The following CCDC141 variants were observed in gnomAD, a reference collection of about 807,000 sequenced individuals.
The protein encoded by CCDC141 is coiled-coil domain containing 141.
Under a neutral mutation model 181.0 loss-of-function variants are expected in CCDC141, and 168 were observed. The observed-to-expected ratio is 0.93, with a 90% CI of 0.82 to 1.05. CCDC141 has a LOEUF of 1.05. Ranked by LOEUF, CCDC141 falls within the 50% of genes least tolerant of loss-of-function variation. CCDC141 has a pLI of 0.00. For synonymous variants in CCDC141, 666 were observed against 642.3 expected (o/e 1.04, Z -0.56); for missense variants, 1,902 against 1,788.5 (o/e 1.06, Z -1.14).
At chr2:179,005,014 G>A (rs1438904968) in intron 2 of CCDC141, among the ~76,000 whole-genome samples, 1 of 152,184 alleles carries the variant, frequency 6.6e-6, no homozygotes, top group African/African-American at 2.4e-5. Context: ...TTACTGGCAT[G>A]AGCCACCGCC....
At chr2:179,047,794 C>G (rs2043548079) in intron 1 of CCDC141, among the ~76,000 whole-genome samples, 1 of 152,136 alleles carries the variant, frequency 6.6e-6, no homozygotes, top group Non-Finnish European at 1.5e-5. Flanking sequence ...TAGTGAAATT[C>G]CACTTGGGCA....
At chr2:178,818,910 T>G in the CCDC141 span, among the ~76,000 whole-genome samples, 1 of 152,194 alleles carries the variant, frequency 6.6e-6, no homozygotes, top group Admixed American at 6.5e-5. Context: ...GTAAAAGCAT[T>G]TGTAAAGGCG....
intron 6 of CCDC141, among the ~76,000 whole-genome samples, chr2:178,933,538 C>A (rs4894069): frequency 3.3e-5 from 5 of 151,916 alleles, no homozygotes; most frequent in South Asian, 2.1e-4. Flanking sequence ...TCCTTTAAGC[C>A]TTAAAGATGG....
rs188665813 is a variant in CCDC141 at position 179,029,596 on chromosome 2, G to A, written c.225+17688C>T. Among the ~76,000 whole-genome samples, 5 of 152,260 alleles carry A rather than the reference G, an allele frequency of 3.3e-5. No individual in the cohort carries two copies. The East Asian group carries it at 9.6e-4, about 29-fold the overall frequency. On this transcript the variant is annotated intron_variant, in intron 2 of 23. Transcript: ENST00000443758. ...GTACCAACTCTGAGCTGGATACACAGAGGGTGTCCCATAGTTACATATTGG... is the reference window on the plus strand; with the variant it reads ...GTACCAACTCTGAGCTGGATACACAAAGGGTGTCCCATAGTTACATATTGG...
At chr2:178,989,642 AAAAC>A (rs1180133939) in intron 2 of CCDC141, among the ~76,000 whole-genome samples, 5 of 149,362 alleles carry the variant, frequency 3.3e-5, no homozygotes, top group African/African-American at 1.2e-4. Context: ...ATAAATAAAT[AAAAC>A]AATAGAAAGG....
chr2:178,875,792 G>A (rs1182286502), intron 12 of CCDC141: 1 of 152,016 alleles, frequency 6.6e-6, no homozygotes. Context: ...GTAATAAAAA[G>A]GTAGACAAAA....
At chr2:178,863,493 AATG>A (rs1433323795) in intron 17 of CCDC141, among the ~76,000 whole-genome samples, 1 of 152,250 alleles carries the variant, frequency 6.6e-6, no homozygotes, top group Admixed American at 6.5e-5. Context: ...AAAGACTAAT[AATG>A]ATAACAACGA....
chr2:178,928,707 A>G (rs1376119283), intron 6 of CCDC141, among the ~76,000 whole-genome samples: 1 of 152,210 alleles, frequency 6.6e-6, no homozygotes, highest in Non-Finnish European at 1.5e-5. Context: ...ATAGAGCACA[A>G]TGTTCTTTAT....
intron 11 of CCDC141, among the ~76,000 whole-genome samples, chr2:178,878,686 T>C (rs1418111887): frequency 2.0e-5 from 3 of 152,092 alleles, no homozygotes; most frequent in Non-Finnish European, 4.4e-5. Context: ...AAAAATCTAT[T>C]TGGATTGTTG....
At chr2:178,890,710 C>A (rs1479450099) in intron 8 of CCDC141, among the ~76,000 whole-genome samples, 2 of 152,172 alleles carry the variant, frequency 1.3e-5, no homozygotes, top group East Asian at 3.8e-4. Flanking sequence ...TAATTCAACA[C>A]TGACACTGAG....
intron 13 of CCDC141, 55 bp downstream of exon 13, chr2:178,872,078 G>C: frequency 6.4e-7 from 1 of 1,560,906 alleles, no homozygotes; most frequent in Non-Finnish European, 8.7e-7. Context: ...GTTCGCTCAT[G>C]TTAGCCTGTG....
Position 178,832,438 on chromosome 2 carries a change from A to C in CCDC141, c.*1735T>G, listed in dbSNP as rs1188168128. 2.0e-5 allele frequency: 3 copies of C among 146,630 alleles called. No individual in the cohort carries two copies. Among genetic ancestry groups the C allele is most frequent in the African/African-American group, 7.5e-5 (3 of 40,214 alleles). 9.1% of individuals were successfully genotyped at this position (146,630 alleles called of 1,614,324 possible). ...CAGTGAGCCAAGATGGCACCACTGC[A>C]CTGGGCAAGAGAGCAAGACTCTTTC... On this transcript the variant is annotated 3_prime_UTR_variant, in exon 24 of 24. Coordinates refer to ENST00000443758, the MANE Select transcript of CCDC141 (RefSeq NM_173648.4).
At position 179,041,191 on chromosome 2, in the gene CCDC141, C is replaced by T. The variant is rs534961324; in HGVS notation, c.225+6093G>A. ...GGTTCACGCCATTTTCCTGCCTCCA[C>T]GCCATTCTCCTGCCTCAGCCTCCAG... On this transcript the variant is annotated intron_variant, in intron 2 of 23. Transcript: ENST00000443758. 1.6e-3 allele frequency among the ~76,000 whole-genome samples: 248 copies of T among 152,238 alleles called. 1 individual carries two copies. Among genetic ancestry groups the T allele is most frequent in the African/African-American group, 5.3e-3 (222 of 41,544 alleles).
Position 178,868,149 on chromosome 2 carries a change from C to G in CCDC141, c.2451G>C (p.Leu817=). The G allele has an allele frequency of 6.2e-7, 1 of 1,614,058 alleles. No homozygotes were observed. The highest frequency in any genetic ancestry group is 8.5e-7 in the Non-Finnish European group (1 of 1,179,926). ...GAATCTGCACATCATGGGCATCACC[C>G]AGTTCCTTCGGCTGCTCTACAAACT... ...ELEFVEQPKE[L]GDAHDVQIHL... The change falls in exon 16 of 24, where the codon CTG becomes CTC. Residue 817 remains leucine, a synonymous_variant. Transcript: ENST00000443758.
chr2:178,891,676 A>C (rs1687158160), intron 8 of CCDC141, among the ~76,000 whole-genome samples: 1 of 152,180 alleles, frequency 6.6e-6, no homozygotes, highest in South Asian at 2.1e-4. Context: ...CACAAAAAAT[A>C]GGTAAACAAA....
intron 17 of CCDC141, among the ~76,000 whole-genome samples, chr2:178,862,198 A>C (rs1156834183): frequency 6.6e-6 from 1 of 152,228 alleles, no homozygotes; most frequent in African/African-American, 2.4e-5. Context: ...ATATATACTA[A>C]GTCCTTTTCT....
intron 21 of CCDC141, among the ~76,000 whole-genome samples, chr2:178,848,302 G>A (rs887480861): frequency 6.6e-6 from 1 of 152,202 alleles, no homozygotes; most frequent in South Asian, 2.1e-4. Context: ...TTGGAAAGGT[G>A]ACCAGCTTCA....
At chr2:178,910,597 C>T (rs1688178621) in intron 7 of CCDC141, among the ~76,000 whole-genome samples, 1 of 152,192 alleles carries the variant, frequency 6.6e-6, no homozygotes, top group Non-Finnish European at 1.5e-5. Flanking sequence ...TGGTGGTTCC[C>T]ACTCTGGGGA....
chr2:178,901,790 T>C (rs1687706331), intron 8 of CCDC141, among the ~76,000 whole-genome samples: 1 of 151,976 alleles, frequency 6.6e-6, no homozygotes, highest in Admixed American at 6.6e-5. Flanking sequence ...TAAAGGGTAT[T>C]CAATTAGGAA....
Sources: allele counts gnomAD v4.1 joint callset (sites outside exome capture counted in the v4.1 genomes callset), GRCh38; gene constraint gnomAD v4.1.1; transcripts MANE v1.5; gene names NCBI Gene and HGNC (gene_info 2026-07-23, HGNC 2026-07-21).